DOCK4: variants seen among roughly 807,000 people sequenced by gnomAD.
DOCK4 encodes the protein dedicator of cytokinesis 4.
DOCK4 carries 97 observed loss-of-function variants against 268.1 expected under a neutral mutation model. That is an observed-to-expected ratio of 0.36 (90% CI 0.31 to 0.43). The LOEUF is 0.43. DOCK4 is among the 20% of genes least tolerant of loss of function. DOCK4 has a pLI of 1.00. For missense variants in DOCK4, 2,145 were observed against 2,455.7 expected (o/e 0.87, Z 2.67); for synonymous variants, 954 against 887.2 (o/e 1.08, Z -1.34).
At chr7:111,892,828 G>A (rs1236139463) in intron 16 of DOCK4, among the ~76,000 whole-genome samples, 2 of 152,146 alleles carry the variant, frequency 1.3e-5, no homozygotes, top group Non-Finnish European at 2.9e-5. Flanking sequence ...TGGCTCAGTA[G>A]TATGAGAAAT....
intron 1 of DOCK4, among the ~76,000 whole-genome samples, chr7:112,081,115 C>T (rs918986908): frequency 6.6e-6 from 1 of 151,990 alleles, no homozygotes; most frequent in East Asian, 1.9e-4. Flanking sequence ...AATACTGAGA[C>T]AGGAAGGCGG....
At chr7:111,745,973 T>A (rs1468068801) in intron 44 of DOCK4, among the ~76,000 whole-genome samples, 2 of 152,168 alleles carry the variant, frequency 1.3e-5, no homozygotes, top group African/African-American at 4.8e-5. Flanking sequence ...TCAGGCTATG[T>A]GTATAAGATA....
At chr7:112,183,640 G>A (rs1037591348) in intron 1 of DOCK4, among the ~76,000 whole-genome samples, 2 of 152,178 alleles carry the variant, frequency 1.3e-5, no homozygotes, top group Admixed American at 1.3e-4. Flanking sequence ...TGCCAGGAGG[G>A]CTGTCCAATC....
chr7:112,099,483 T>A (rs981113800), intron 1 of DOCK4, among the ~76,000 whole-genome samples: 4 of 152,226 alleles, frequency 2.6e-5, no homozygotes, highest in African/African-American at 9.6e-5. Flanking sequence ...TATTTACTTG[T>A]GTTTACTCAT....
At chr7:111,765,316 C>G (rs1563473105) in intron 38 of DOCK4, 94 bp from the exon 39 acceptor site, 5 of 785,250 alleles carry the variant, frequency 6.4e-6, no homozygotes, top group Admixed American at 3.6e-5. Flanking sequence ...TAAAGGAGAA[C>G]TTTATTTTAA....
At position 111,969,626 on chromosome 7, in the gene DOCK4, T is replaced by A. The variant is rs565737432; in HGVS notation, c.701+7506A>T. On this transcript the variant is annotated intron_variant, in intron 8 of 52. Coordinates refer to ENST00000428084, the MANE Select transcript of DOCK4 (RefSeq NM_001363540.2). ...GAATAGGTTCTGGAGAGTCTATTAGTTTGTAGAAGAAAAAGATGCCAAATG... is the reference window on the plus strand; with the variant it reads ...GAATAGGTTCTGGAGAGTCTATTAGATTGTAGAAGAAAAAGATGCCAAATG... 2.7e-3 allele frequency among the ~76,000 whole-genome samples: 416 copies of A among 151,360 alleles called. 3 individuals carry two copies. Among genetic ancestry groups the A allele is most frequent in the African/African-American group, 9.7e-3 (400 of 41,158 alleles).
rs374422922 is a variant in DOCK4 at position 112,160,813 on chromosome 7, A to G, written c.37+45289T>C. The stretch of plus-strand genomic sequence containing the variant: ...GGCTATAGCCTCTATTAAAGATCCT[A>G]TCGCGGCATTCATCAGTTTACATTT... On this transcript the variant is annotated intron_variant, in intron 1 of 52. Coordinates refer to ENST00000428084, the MANE Select transcript of DOCK4 (RefSeq NM_001363540.2). Among the ~76,000 whole-genome samples the G allele has an allele frequency of 8.5e-5, 13 of 152,332 alleles. No individual in the cohort carries two copies. The East Asian group carries it at 2.5e-3, about 29-fold the overall frequency.
chr7:112,040,995 G>A (rs139124490), intron 1 of DOCK4, among the ~76,000 whole-genome samples: 39 of 151,898 alleles, frequency 2.6e-4, no homozygotes, highest in African/African-American at 9.2e-4. Flanking sequence ...TTTTTTTTAC[G>A]TTTTTGACAA....
At chr7:111,847,265 G>T in intron 23 of DOCK4, 139 bp from the exon 24 acceptor site, 2 of 1,082,882 alleles carry the variant, frequency 1.8e-6, no homozygotes, top group Non-Finnish European at 2.6e-6. Context: ...GTTCTACAAG[G>T]TTTATATTGA....
chr7:111,970,764 G>A (rs1322767873), intron 8 of DOCK4, among the ~76,000 whole-genome samples: 2 of 152,188 alleles, frequency 1.3e-5, no homozygotes, highest in Non-Finnish European at 2.9e-5. Context: ...CTGGTGATGT[G>A]ACATAAACAA....
chr7:111,765,375 C>T (rs558426147), intron 38 of DOCK4, among the ~76,000 whole-genome samples, 153 bp from the exon 39 acceptor site: 3 of 152,130 alleles, frequency 2.0e-5, no homozygotes, highest in South Asian at 2.1e-4. Flanking sequence ...TGCTTTAAGT[C>T]GGGGATTGGC....
intron 52 of DOCK4, among the ~76,000 whole-genome samples, chr7:111,729,599 C>T (rs180712745): frequency 6.6e-6 from 1 of 152,184 alleles, no homozygotes; most frequent in East Asian, 1.9e-4. Flanking sequence ...CACATTAGTC[C>T]TATAGTTTGG....
At chr7:111,992,476 T>C (rs1186725072) in intron 5 of DOCK4, among the ~76,000 whole-genome samples, 1 of 152,200 alleles carries the variant, frequency 6.6e-6, no homozygotes, top group African/African-American at 2.4e-5. Context: ...TAATATTTGT[T>C]TCTAATGGCA....
chr7:111,811,931 A>G lies in DOCK4; in HGVS notation c.2949T>C (p.Val983=). Residue 983 remains valine, a synonymous_variant, in exon 28 of 53, where the codon GTT becomes GTC. Transcript: ENST00000428084. ...TACGAAGTGCATCTGAGAGGTATAG[A>G]ACTGTTGTAATAATAACACTAGTGA... The part of the protein sequence containing the change: ...LVANNVIITT[V]LYLSDALRKN... 1 of 1,520,076 alleles carries G rather than the reference A, an allele frequency of 6.6e-7. No homozygotes were observed. The highest frequency in any genetic ancestry group is 8.9e-7 in the Non-Finnish European group (1 of 1,123,416). The allele number at this position is 1,520,076 out of a possible 1,614,324, so 94.2% of individuals were successfully genotyped here. A position where few individuals can be genotyped will look rare whatever the true frequency, so the allele number is the denominator to read the frequency against.
chr7:112,176,355 G>T (rs1336135301), intron 1 of DOCK4, among the ~76,000 whole-genome samples: 1 of 152,060 alleles, frequency 6.6e-6, no homozygotes, highest in Admixed American at 6.5e-5. Context: ...AAGCCTCTGG[G>T]TCCATGAACC....
At chr7:112,090,487 T>G (rs1478915230) in intron 1 of DOCK4, among the ~76,000 whole-genome samples, 4 of 152,200 alleles carry the variant, frequency 2.6e-5, no homozygotes, top group African/African-American at 9.6e-5. Context: ...CTTATCTATT[T>G]CTGAAATAAT....
rs755355579 is a variant in DOCK4 at position 111,944,829 on chromosome 7, C to T, written c.826G>A (p.Val276Met). The T allele has an allele frequency of 3.2e-5, 51 of 1,613,740 alleles. No individual in the cohort carries two copies. The highest frequency in any genetic ancestry group is 1.5e-4 in the South Asian group (14 of 91,084). ...TACCTACCGATTCGGATAATGTGCA[C>T]GGTGATATAAATGTCCTTTCTTAGC... ...SELRKDIYIT[V>M]HIIRIGRMGA... The change falls in exon 10 of 53, where the codon GTG (valine) becomes ATG (methionine). Residue 276 changes from valine (V) to methionine (M), a missense_variant. Val to Met is a conservative substitution (Grantham distance 21). This residue lies in a region of DOCK4 where 1,598 missense variants were observed against 1,986.7 expected (regional missense o/e 0.80). Coordinates refer to ENST00000428084, the MANE Select transcript of DOCK4 (RefSeq NM_001363540.2).
At chr7:111,742,204 GCA>G in intron 44 of DOCK4, 72 bp from the exon 45 acceptor site, 1 of 1,449,932 alleles carries the variant, frequency 6.9e-7, no homozygotes, top group Admixed American at 2.5e-5. Flanking sequence ...TATGGGCCGA[GCA>G]CTTTACTACG....
chr7:111,741,865 A>G, intron 45 of DOCK4, 148 bp downstream of exon 45: 1 of 1,282,484 alleles, frequency 7.8e-7, no homozygotes, highest in Middle Eastern at 2.6e-4. Context: ...AATAGCAGAC[A>G]AGGCAATTGT....
Sources: gnomAD v4.1 joint callset for allele counts (sites outside exome capture counted in the v4.1 genomes callset) on GRCh38, gnomAD v4.1.1 for gene constraint, gnomAD v4.1.1 regional missense constraint, MANE v1.5 for transcripts, NCBI Gene and HGNC (gene_info 2026-07-23, HGNC 2026-07-21) for gene names.